The following TBC1D5 variants were observed in gnomAD, a reference collection of about 807,000 sequenced individuals.
TBC1D5 encodes the protein TBC1 domain family, member 5.
In TBC1D5, 75 loss-of-function variants were observed where a neutral mutation model predicts 100.3. The observed-to-expected ratio is 0.75, with a 90% CI of 0.62 to 0.91. TBC1D5 has a LOEUF of 0.91. Ranked by LOEUF, TBC1D5 falls within the 40% of genes least tolerant of loss-of-function variation. The pLI, the probability that TBC1D5 is intolerant of heterozygous loss-of-function variation, is 0.00. For missense variants in TBC1D5, 910 were observed against 942.4 expected, an observed-to-expected ratio of 0.97 and a Z score of 0.45; for synonymous variants, 323 against 325.6, an observed-to-expected ratio of 0.99 and a Z score of 0.09.
chr3:17,405,978 C>T (rs1259276235), intron 5 of TBC1D5, among the ~76,000 whole-genome samples: 1 of 151,970 alleles, frequency 6.6e-6, no homozygotes, highest in Non-Finnish European at 1.5e-5. Flanking sequence ...TTCTTGCCAC[C>T]CCTCACTACT....
chr3:17,577,600 G>GA (rs1195638535), intron 2 of TBC1D5, among the ~76,000 whole-genome samples: 1 of 151,880 alleles, frequency 6.6e-6, no homozygotes, highest in East Asian at 1.9e-4. Flanking sequence ...TAAGAAAAAT[G>GA]AAAGTGGGAG....
intron 3 of TBC1D5, among the ~76,000 whole-genome samples, chr3:17,435,928 C>T (rs1049679900): frequency 4.6e-5 from 7 of 152,282 alleles, no homozygotes; most frequent in Admixed American, 1.3e-4. Flanking sequence ...GGACTGCAAG[C>T]GTGGCTAAAT....
intron 2 of TBC1D5, among the ~76,000 whole-genome samples, chr3:17,533,049 C>A (rs952608809): frequency 3.5e-5 from 5 of 142,500 alleles, no homozygotes; most frequent in African/African-American, 1.4e-4. Flanking sequence ...ACAATGAGAT[C>A]CTGTCACACA....
rs1575169295 is a variant in TBC1D5 at position 17,294,109 on chromosome 3, T to C, written c.1139-2108A>G. On this transcript the variant is annotated intron_variant, in intron 14 of 21. Coordinates refer to ENST00000253692, the Ensembl canonical transcript of TBC1D5. ...CATAATGGATGCATATTGTAAAGTA[T>C]TACTACTACTCTAGTGAAGCAGTTT... Among the ~76,000 whole-genome samples the C allele has an allele frequency of 3.3e-5, 5 of 152,368 alleles. No individual in the cohort carries two copies. The South Asian group carries it at 1.0e-3, about 32-fold the overall frequency.
At chr3:17,272,560 A>C (rs2079539635) in intron 15 of TBC1D5, among the ~76,000 whole-genome samples, 1 of 152,332 alleles carries the variant, frequency 6.6e-6, no homozygotes, top group East Asian at 1.9e-4. Context: ...TCTCAGTCTT[A>C]AATTTTTCAC....
intron 2 of TBC1D5, among the ~76,000 whole-genome samples, chr3:17,532,850 G>T (rs190631820): frequency 1.4e-5 from 2 of 139,366 alleles, no homozygotes; most frequent in African/African-American, 2.6e-5. Flanking sequence ...GTGGAGGGAG[G>T]GGGGAGGGAT....
At chr3:17,482,240 G>C (rs1328827322) in intron 3 of TBC1D5, among the ~76,000 whole-genome samples, 1 of 151,702 alleles carries the variant, frequency 6.6e-6, no homozygotes, top group Admixed American at 6.6e-5. Context: ...TGTACCTTAA[G>C]GCATAGTTTA....
chr3:17,622,977 T>A (rs547692234), intron 2 of TBC1D5, among the ~76,000 whole-genome samples: 113 of 152,314 alleles, frequency 7.4e-4, no homozygotes, highest in Non-Finnish European at 1.3e-3. Flanking sequence ...CAAAAGCCTA[T>A]GAGCTCTAAA....
intron 14 of TBC1D5, among the ~76,000 whole-genome samples, chr3:17,299,673 A>G (rs930795747): frequency 2.0e-5 from 3 of 152,096 alleles, no homozygotes; most frequent in Non-Finnish European, 2.9e-5. Context: ...CCTGGCTAAC[A>G]TGGTGAAACC....
intron 18 of TBC1D5, among the ~76,000 whole-genome samples, chr3:17,193,441 G>C (rs892150750): frequency 2.0e-5 from 3 of 152,198 alleles, no homozygotes; most frequent in African/African-American, 7.2e-5. Flanking sequence ...TTTGAAGTCA[G>C]GTGTTGGCAG....
intron 13 of TBC1D5, among the ~76,000 whole-genome samples, chr3:17,342,317 T>C (rs1274359246): frequency 2.0e-5 from 3 of 152,334 alleles, no homozygotes; most frequent in African/African-American, 7.2e-5. Flanking sequence ...AATCTCTTCT[T>C]GCTTGAACCA....
chr3:17,682,211 C>T (rs1205914375), intron 1 of TBC1D5, among the ~76,000 whole-genome samples: 2 of 151,064 alleles, frequency 1.3e-5, no homozygotes, highest in Non-Finnish European at 2.9e-5. Context: ...TTTTGGGAGG[C>T]CAAGACAGGA....
At chr3:17,440,731 T>G (rs1310292455) in intron 3 of TBC1D5, among the ~76,000 whole-genome samples, 1 of 152,148 alleles carries the variant, frequency 6.6e-6, no homozygotes, top group Non-Finnish European at 1.5e-5. Context: ...AACCTCTGCC[T>G]CCTGGGTTCA....
rs186116315 is a variant in TBC1D5 at position 17,532,787 on chromosome 3, G to C, written c.-35-24182C>G. Among the ~76,000 whole-genome samples the C allele has an allele frequency of 9.8e-4, 146 of 149,280 alleles. 2 individuals carry two copies. The South Asian group carries it at 0.018, about 19-fold the overall frequency. On this transcript the variant is annotated intron_variant, in intron 2 of 21. Coordinates refer to ENST00000253692, the Ensembl canonical transcript of TBC1D5. ...CACTTGTAGGTGGGAATTGAACAAT[G>C]AGAACTCATGGACACAGGAAGGAGA... is the stretch of plus-strand genomic sequence containing the variant.
intron 1 of TBC1D5, among the ~76,000 whole-genome samples, chr3:17,648,135 G>A (rs1283136890): frequency 6.6e-6 from 1 of 152,004 alleles, no homozygotes; most frequent in African/African-American, 2.4e-5. Flanking sequence ...AAACAGGCAC[G>A]CAGACCAATG....
chr3:17,671,031 T>C (rs1240850064), intron 1 of TBC1D5, among the ~76,000 whole-genome samples: 1 of 152,216 alleles, frequency 6.6e-6, no homozygotes, highest in Non-Finnish European at 1.5e-5. Flanking sequence ...TTCACTCAGC[T>C]TTTCAGCTTC....
chr3:17,191,165 T>G (rs1297877152), intron 18 of TBC1D5, among the ~76,000 whole-genome samples: 1 of 152,196 alleles, frequency 6.6e-6, no homozygotes, highest in Non-Finnish European at 1.5e-5. Flanking sequence ...GTGAACAAGC[T>G]GGAATATAAA....
chr3:17,363,152 C>T (rs1235697957), intron 13 of TBC1D5, among the ~76,000 whole-genome samples: 2 of 152,082 alleles, frequency 1.3e-5, no homozygotes, highest in African/African-American at 4.8e-5. Flanking sequence ...ATGTTCTTGG[C>T]ATAACATTTC....
At chr3:17,509,648 C>T (rs1006921834) in intron 2 of TBC1D5, among the ~76,000 whole-genome samples, 2 of 151,930 alleles carry the variant, frequency 1.3e-5, no homozygotes, top group Non-Finnish European at 2.9e-5. Context: ...TCTAAACATG[C>T]TTTAAGTATT....
Sources: allele counts gnomAD v4.1 joint callset (sites outside exome capture counted in the v4.1 genomes callset), GRCh38; gene constraint gnomAD v4.1.1; transcripts MANE v1.5; gene names NCBI Gene and HGNC (gene_info 2026-07-23, HGNC 2026-07-21).